KRT33B: variants seen among roughly 807,000 people sequenced by gnomAD.
KRT33B encodes the protein keratin, type I cuticular Ha3-II.
A neutral mutation model predicts 42.7 loss-of-function variants in KRT33B; 37 were observed. The ratio of observed to expected loss-of-function variants is 0.87; its 90% confidence interval spans 0.67 to 1.14. KRT33B has a LOEUF of 1.14. KRT33B is among the 50% of genes most tolerant of loss of function. The pLI is 0.00. For missense variants in KRT33B, 523 were observed against 515.1 expected (o/e 1.02, Z -0.15); for synonymous variants, 237 against 221.2 (o/e 1.07, Z -0.63).
In KRT33B at chr17:41,363,586, C is replaced by T. The variant is rs929260969; in HGVS notation, c.*250G>A. On this transcript the variant is annotated 3_prime_UTR_variant, in exon 7 of 7. Transcript: ENST00000251646. The stretch of plus-strand genomic sequence containing the variant: ...AGAGAACAAAACACCTCGTATGCCA[C>T]TGTCACAGCTCCAACCTCTGACCAT... 1.1e-5 allele frequency: 4 copies of T among 379,446 alleles called. No homozygotes were observed. The highest frequency in any genetic ancestry group is 1.9e-5 in the Non-Finnish European group (4 of 214,266). 23.5% of individuals were successfully genotyped at this position (379,446 alleles called of 1,614,324 possible).
chr17:41,364,194 C>T (rs1216118982), intron 6 of KRT33B, among the ~76,000 whole-genome samples: 4 of 151,302 alleles, frequency 2.6e-5, no homozygotes, highest in Non-Finnish European at 4.4e-5. Flanking sequence ...TCACTTCCTC[C>T]TTCTAAGCCT....
chr17:41,366,344 T>C (rs1597690647), intron 3 of KRT33B, 126 bp downstream of exon 3: 1 of 1,097,498 alleles, frequency 9.1e-7, no homozygotes, highest in Non-Finnish European at 1.3e-6. Context: ...AGCCCCAAAG[T>C]ATGTTTTGAG....
Position 41,369,662 on chromosome 17 carries a change from G to C in KRT33B, c.89C>G (p.Thr30Ser). 1 of 1,613,924 alleles carries C rather than the reference G, an allele frequency of 6.2e-7. No homozygotes were observed. Among genetic ancestry groups the C allele is most frequent in the Non-Finnish European group, 8.5e-7 (1 of 1,180,000 alleles). Residue 30 changes from threonine to serine, a missense_variant, in exon 1 of 7, where the codon ACC (threonine) becomes AGC (serine). Thr to Ser is a moderately conservative substitution (Grantham distance 58). Coordinates refer to ENST00000251646, the MANE Select transcript of KRT33B (RefSeq NM_002279.5). ...PCVPPSCHGY[T>S]LPGACNIPAN... ...AGGGATGTTGCAGGCCCCGGGCAGG[G>C]TGTAGCCGTGGCAGCTGGGGGGCAC...
rs574660176 is a variant in KRT33B, at chr17:41,365,659, A to G, written c.589-106T>C. ...AGAGGATTGCATTGCAGCTTAGGAA[A>G]CATGAGTTGAAGCCCAGCTGTCACC... On this transcript the variant is annotated intron_variant, in intron 3 of 6. Coordinates refer to ENST00000251646, the MANE Select transcript of KRT33B (RefSeq NM_002279.5). The G allele has an allele frequency of 3.2e-5, 46 of 1,421,148 alleles. 2 individuals are homozygous for G. In the African/African-American group the frequency reaches 6.6e-4, roughly 20 times the overall value. 88.0% of individuals were successfully genotyped at this position (1,421,148 alleles called of 1,614,324 possible).
At position 41,369,473 on chromosome 17, in the gene KRT33B, T is replaced by A; in HGVS notation, c.278A>T (p.Gln93Leu). Residue 93 changes from glutamine (Q) to leucine (L), a missense_variant, in exon 1 of 7, where the codon CAG (glutamine) becomes CTG (leucine). By Grantham distance (113) the Gln-to-Leu change is moderately radical. Transcript: ENST00000251646. ...ELENLIRERS[Q>L]QQEPLLCPSY... ...GGGGCACAGCAAGGGCTCCTGCTGC[T>A]GAGACCGCTCCCGGATGAGGTTCTC... 6.2e-7 allele frequency: 1 copy of A among 1,613,720 alleles called. No individual in the cohort carries two copies. The highest frequency in any genetic ancestry group is 1.3e-5 in the African/African-American group (1 of 74,544).
At chr17:41,366,669 A>G in intron 2 of KRT33B, 43 bp from the exon 3 acceptor site, 1 of 1,523,722 alleles carries the variant, frequency 6.6e-7, no homozygotes, top group Non-Finnish European at 8.8e-7. Flanking sequence ...AAAAAAAAAA[A>G]GTCTTTGTTT....
Position 41,365,424 on chromosome 17 carries a change from G to T in KRT33B, c.718C>A (p.Arg240Ser), listed in dbSNP as rs141441300. The stretch of plus-strand genomic sequence containing the variant: ...GCGAACCATTGCTCCACTTCCCTGC[G>T]GTTGGTTTCCACCAGGGCCTCATAC... ...NQYEALVETN[R>S]REVEQWFATQ... Residue 240 changes from arginine (R) to serine (S), a missense_variant, in exon 4 of 7, where the codon CGC becomes AGC. By Grantham distance (110) the Arg-to-Ser change is moderately radical. Coordinates refer to ENST00000251646, the MANE Select transcript of KRT33B (RefSeq NM_002279.5). 1.1e-5 allele frequency: 17 copies of T among 1,612,672 alleles called. No individual in the cohort carries two copies. The highest frequency in any genetic ancestry group is 1.4e-5 in the Non-Finnish European group (16 of 1,179,908).
At position 41,363,880 on chromosome 17, in the gene KRT33B, C is replaced by A; in HGVS notation, c.1171G>T (p.Gly391Cys). The change falls in exon 7 of 7, where the codon GGT (glycine) becomes TGT (cysteine). Residue 391 changes from glycine to cysteine, a missense_variant. Gly to Cys is a radical substitution (Grantham distance 159). Coordinates refer to ENST00000251646, the MANE Select transcript of KRT33B (RefSeq NM_002279.5). ...CAAGGCCCACAGCGGGAACGAGGACCACAAGGATTGGTGACACAGGATCCA... is the reference window on the plus strand; with the variant it reads ...CAAGGCCCACAGCGGGAACGAGGACAACAAGGATTGGTGACACAGGATCCA... ...PIGSCVTNPC[G>C]PRSRCGPCNT... 6.2e-7 allele frequency: 1 copy of A among 1,611,500 alleles called. No individual in the cohort carries two copies. The highest frequency in any genetic ancestry group is 8.5e-7 in the Non-Finnish European group (1 of 1,179,426).
At position 41,363,525 on chromosome 17, in the gene KRT33B, C is replaced by T. The variant is rs572037715; in HGVS notation, c.*311G>A. 30 of 267,068 alleles carry T rather than the reference C, an allele frequency of 1.1e-4. No individual in the cohort carries two copies. The highest frequency in any genetic ancestry group is 1.3e-4 in the East Asian group (2 of 15,786). 16.5% of individuals were successfully genotyped at this position (267,068 alleles called of 1,614,324 possible). A position where few individuals can be genotyped will look rare whatever the true frequency, so the allele number is the denominator to read the frequency against. On this transcript the variant is annotated 3_prime_UTR_variant, in exon 7 of 7. Coordinates refer to ENST00000251646, the MANE Select transcript of KRT33B (RefSeq NM_002279.5). ...CTTTGCAAGAGGAAAGTTTATTAGG[C>T]GATTTGGGGAACTGCAATAAAGGTA...
chr17:41,365,344 G>T (rs1475941549), intron 4 of KRT33B, 44 bp from the exon 5 acceptor site: 1 of 1,609,862 alleles, frequency 6.2e-7, no homozygotes, highest in Admixed American at 1.7e-5. Context: ...TGCCTCCGGG[G>T]CCCTGGGGGG....
In KRT33B at chr17:41,363,922, C is replaced by T. The variant is rs1478878895; in HGVS notation, c.1129G>A (p.Ala377Thr). Residue 377 changes from alanine to threonine, a missense_variant, in exon 7 of 7, where the codon GCA becomes ACA. Physicochemically the swap from Ala to Thr is moderately conservative, Grantham distance 58 (BLOSUM62 0). Coordinates refer to ENST00000251646, the MANE Select transcript of KRT33B (RefSeq NM_002279.5). ...CAGGATCCAATGGGCTTTTCACATG[C>T]ATTGGTGGTGGCGCAGGGGTTGGAG... is the stretch of plus-strand genomic sequence containing the variant. Reference protein sequence around the residue: ...LPSNPCATTNACEKPIGSCVT... With the variant: ...LPSNPCATTNTCEKPIGSCVT... 2 of 1,611,192 alleles carry T rather than the reference C, an allele frequency of 1.2e-6. No individual in the cohort carries two copies. The highest frequency in any genetic ancestry group is 1.7e-6 in the Non-Finnish European group (2 of 1,179,300).
In KRT33B at chr17:41,369,777, A is replaced by C. The variant is rs1310616610; in HGVS notation, c.-27T>G. The C allele has an allele frequency of 6.3e-7, 1 of 1,598,854 alleles. No homozygotes were observed. The highest frequency in any genetic ancestry group is 1.3e-5 in the African/African-American group (1 of 74,562). ...GTGCAGGGAGGCAGTGGAGCTCTGG[A>C]AGTCAGTTTCAAAACCTGATTCCTT... On this transcript the variant is annotated 5_prime_UTR_variant, in exon 1 of 7. Coordinates refer to ENST00000251646, the MANE Select transcript of KRT33B (RefSeq NM_002279.5).
rs759598244 is a variant in KRT33B, at chr17:41,365,418, C to T, written c.724G>A (p.Glu242Lys). 6 of 1,612,468 alleles carry T rather than the reference C, an allele frequency of 3.7e-6. No individual in the cohort carries two copies. In the South Asian group the frequency reaches 4.4e-5, roughly 12 times the overall value. Reference sequence around the variant, plus strand: ...TGCGTGGCGAACCATTGCTCCACTTCCCTGCGGTTGGTTTCCACCAGGGCC... The same window carrying T: ...TGCGTGGCGAACCATTGCTCCACTTTCCTGCGGTTGGTTTCCACCAGGGCC... ...YEALVETNRR[E>K]VEQWFATQTE... The change falls in exon 4 of 7, where the codon GAA becomes AAA. Residue 242 changes from glutamate (E) to lysine (K), a missense_variant. Glu to Lys is a moderately conservative substitution (Grantham distance 56, BLOSUM62 1). Coordinates refer to ENST00000251646, the MANE Select transcript of KRT33B (RefSeq NM_002279.5).
Position 41,369,735 on chromosome 17 carries a change from A to G in KRT33B, c.16T>C (p.Cys6Arg). MPYNFCLPSLSCRTSC... is the reference protein window; with the variant it reads MPYNFRLPSLSCRTSC... ...GTGCGGCAGCTCAGGCTGGGCAGGCAGAAGTTGTAGGGCATGGTGCAGGGA... is the reference window on the plus strand; with the variant it reads ...GTGCGGCAGCTCAGGCTGGGCAGGCGGAAGTTGTAGGGCATGGTGCAGGGA... Residue 6 changes from cysteine (C) to arginine (R), a missense_variant, in exon 1 of 7, where the codon TGC (cysteine) becomes CGC (arginine). Cys to Arg is a radical substitution (Grantham distance 180, BLOSUM62 -3). Coordinates refer to ENST00000251646, the MANE Select transcript of KRT33B (RefSeq NM_002279.5). The G allele has an allele frequency of 6.2e-7, 1 of 1,613,674 alleles. No individual in the cohort carries two copies. The highest frequency in any genetic ancestry group is 8.5e-7 in the Non-Finnish European group (1 of 1,179,732).
chr17:41,368,088 G>A (rs2017724388), intron 1 of KRT33B, 98 bp from the exon 2 acceptor site: 1 of 1,129,144 alleles, frequency 8.9e-7, no homozygotes, highest in Non-Finnish European at 1.3e-6. Flanking sequence ...CTCCCAAATA[G>A]CTTTGAGTCC....
Position 41,363,734 on chromosome 17 carries a change from C to T in KRT33B, c.*102G>A, listed in dbSNP as rs185130371. On this transcript the variant is annotated 3_prime_UTR_variant, in exon 7 of 7. Transcript: ENST00000251646. Reference sequence around the variant, plus strand: ...TTCCAGACCATGATTTGTGGTGATGCCTCGGGGTGGGGTCCGGTGGCTGAT... The same window carrying T: ...TTCCAGACCATGATTTGTGGTGATGTCTCGGGGTGGGGTCCGGTGGCTGAT... The T allele has an allele frequency of 4.0e-6, 3 of 752,930 alleles. No homozygotes were observed. Among genetic ancestry groups the T allele is most frequent in the East Asian group, 2.5e-5 (1 of 39,734 alleles). 46.6% of individuals were successfully genotyped at this position (752,930 alleles called of 1,614,324 possible). A position where few individuals can be genotyped will look rare whatever the true frequency, so the allele number is the denominator to read the frequency against.
At chr17:41,367,564 C>T (rs1368145333) in intron 2 of KRT33B, among the ~76,000 whole-genome samples, 3 of 151,186 alleles carry the variant, frequency 2.0e-5, no homozygotes, top group African/African-American at 4.9e-5. Context: ...ATTAGCTGGG[C>T]CTGCTGGCGC....
chr17:41,363,975 C>T, intron 6 of KRT33B, 22 bp from the exon 7 acceptor site: 1 of 1,518,156 alleles, frequency 6.6e-7, no homozygotes, highest in Non-Finnish European at 9.1e-7. Context: ...AAGCATTAGA[C>T]TGTCAGCATG....
Position 41,364,932 on chromosome 17 carries a change from T to C in KRT33B, c.944A>G (p.Gln315Arg), listed in dbSNP as rs1389827392. 1 of 1,613,452 alleles carries C rather than the reference T, an allele frequency of 6.2e-7. No homozygotes were observed. Among genetic ancestry groups the C allele is most frequent in the Admixed American group, 1.7e-5 (1 of 60,012 alleles). Reference sequence around the variant, plus strand: ...GGACTCCACGTTGGTGATCAGGCTCTGCACCTGGGACAGCTGGGAGCTGTA... The same window carrying C: ...GGACTCCACGTTGGTGATCAGGCTCCGCACCTGGGACAGCTGGGAGCTGTA... ...ARYSSQLSQV[Q>R]SLITNVESQL... Residue 315 changes from glutamine (Q) to arginine (R), a missense_variant, in exon 6 of 7, where the codon CAG becomes CGG. By Grantham distance (43) the Gln-to-Arg change is conservative. Transcript: ENST00000251646.
Sources: gnomAD v4.1 joint callset for allele counts (sites outside exome capture counted in the v4.1 genomes callset) on GRCh38, gnomAD v4.1.1 for gene constraint, MANE v1.5 for transcripts, NCBI Gene and HGNC (gene_info 2026-07-23, HGNC 2026-07-21) for gene names.